HECW1: variants seen among roughly 807,000 people sequenced by gnomAD.
HECW1 encodes the protein HECT, C2 and WW domain containing E3 ubiquitin protein ligase 1.
In HECW1, 61 loss-of-function variants were observed where a neutral mutation model predicts 182.3. The ratio of observed to expected loss-of-function variants is 0.33; its 90% confidence interval spans 0.27 to 0.41. The LOEUF (loss-of-function observed/expected upper bound fraction) is 0.41, where lower values mean the gene tolerates loss of function less well. Among genes scored for constraint, HECW1 ranks in the 10% least tolerant of loss-of-function variants. The pLI, the probability that HECW1 is intolerant of heterozygous loss-of-function variation, is 1.00. For synonymous variants in HECW1, 859 were observed against 832.6 expected, an observed-to-expected ratio of 1.03 and a Z score of -0.55; for missense variants, 1,739 against 2,108.9, an observed-to-expected ratio of 0.82 and a Z score of 3.44.
chr7:43,203,917 G>A (rs1245890393), intron 2 of HECW1, among the ~76,000 whole-genome samples: 1 of 152,076 alleles, frequency 6.6e-6, no homozygotes, highest in Non-Finnish European at 1.5e-5. Context: ...GTAATATCTT[G>A]TATTCACTAT....
In HECW1 at chr7:43,504,513, C is replaced by T. The variant is rs539043140; in HGVS notation, c.3632-2624C>T. The stretch of plus-strand genomic sequence containing the variant: ...TGCCCTGAACTCCCCTGGCCCTCTC[C>T]GTTTTGTTTCTACCCTCTGGCAGAG... On this transcript the variant is annotated intron_variant, in intron 21 of 29. Transcript: ENST00000395891. Among the ~76,000 whole-genome samples, 149 of 152,292 alleles carry T rather than the reference C, an allele frequency of 9.8e-4. 1 individual carries two copies. Among genetic ancestry groups the T allele is most frequent in the South Asian group, 4.8e-3 (23 of 4,830 alleles).
chr7:43,176,202 A>G (rs1008035769), intron 2 of HECW1, among the ~76,000 whole-genome samples: 1 of 152,204 alleles, frequency 6.6e-6, no homozygotes, highest in African/African-American at 2.4e-5. Flanking sequence ...TACTGTGTGT[A>G]GAGGACTTTG....
intron 12 of HECW1, among the ~76,000 whole-genome samples, chr7:43,452,757 G>T (rs1003738895): frequency 6.6e-6 from 1 of 152,216 alleles, no homozygotes; most frequent in Non-Finnish European, 1.5e-5. Flanking sequence ...CTCTGAGTTC[G>T]TGTGGGGGTG....
intron 9 of HECW1, among the ~76,000 whole-genome samples, chr7:43,441,307 G>C (rs2076879570): frequency 6.6e-6 from 1 of 152,120 alleles, no homozygotes; most frequent in Non-Finnish European, 1.5e-5. Context: ...CCCTGCAATT[G>C]GTGTTAAGTG....
chr7:43,229,744 T>G (rs1797726287), intron 2 of HECW1, among the ~76,000 whole-genome samples: 1 of 152,206 alleles, frequency 6.6e-6, no homozygotes, highest in Admixed American at 6.5e-5. Context: ...TAACAGTATA[T>G]TTATGTAATT....
intron 2 of HECW1, among the ~76,000 whole-genome samples, chr7:43,174,240 A>G (rs1791988843): frequency 6.6e-6 from 1 of 152,048 alleles, no homozygotes; most frequent in South Asian, 2.1e-4. Flanking sequence ...GTTCCTGACA[A>G]AGCCCCATTT....
chr7:43,336,193 T>C (rs1204268666), intron 5 of HECW1, among the ~76,000 whole-genome samples: 1 of 137,586 alleles, frequency 7.3e-6, no homozygotes, highest in East Asian at 2.2e-4. Flanking sequence ...TCTCTCTCTC[T>C]CTCTCTTTCA....
intron 9 of HECW1, among the ~76,000 whole-genome samples, chr7:43,442,004 G>T (rs2076903890): frequency 6.6e-6 from 1 of 152,170 alleles, no homozygotes; most frequent in Admixed American, 6.5e-5. Context: ...TTTGAATTTT[G>T]ATCTTTTCCT....
intron 7 of HECW1, among the ~76,000 whole-genome samples, chr7:43,397,210 G>A (rs147860708): frequency 6.6e-6 from 1 of 152,254 alleles, no homozygotes; most frequent in East Asian, 1.9e-4. Context: ...GGGAAGAGAA[G>A]CAGCTATTCA....
At chr7:43,273,439 G>T (rs763404352) in intron 3 of HECW1, among the ~76,000 whole-genome samples, 2 of 151,884 alleles carry the variant, frequency 1.3e-5, no homozygotes, top group African/African-American at 4.8e-5. Context: ...TATAAATTTC[G>T]TAAATAATAG....
At chr7:43,407,848 C>A (rs1384931450) in intron 8 of HECW1, 117 bp downstream of exon 8, 5 of 902,702 alleles carry the variant, frequency 5.5e-6, no homozygotes, top group Non-Finnish European at 8.3e-6. Flanking sequence ...CAATCTATGG[C>A]TGTCATGGTC....
At chr7:43,369,585 T>C (rs1817073057) in intron 6 of HECW1, among the ~76,000 whole-genome samples, 1 of 152,206 alleles carries the variant, frequency 6.6e-6, no homozygotes, top group Non-Finnish European at 1.5e-5. Context: ...AATTATTTAT[T>C]TACTACCTAG....
chr7:43,344,265 A>C (rs886457076), intron 5 of HECW1, among the ~76,000 whole-genome samples: 3 of 151,816 alleles, frequency 2.0e-5, no homozygotes, highest in Non-Finnish European at 2.9e-5. Context: ...TAGTTTAATT[A>C]GATCCCATTT....
At chr7:43,467,524 A>T (rs116113442) in intron 15 of HECW1, among the ~76,000 whole-genome samples, 1,549 of 152,228 alleles carry the variant, frequency 0.01, 25 homozygotes, top group African/African-American at 0.035. Context: ...AGGCCACAGG[A>T]ACCAAGAGTA....
chr7:43,406,565 G>T (rs2075616745), intron 7 of HECW1, among the ~76,000 whole-genome samples: 1 of 152,150 alleles, frequency 6.6e-6, no homozygotes. Flanking sequence ...TGTTTCACTT[G>T]TGTATAAATG....
intron 21 of HECW1, among the ~76,000 whole-genome samples, chr7:43,502,502 AT>A (rs1381684746): frequency 7.9e-5 from 12 of 152,122 alleles, no homozygotes; most frequent in Non-Finnish European, 1.0e-4. Context: ...ACCAAAAAAA[AT>A]TTTTTTTAAT....
intron 2 of HECW1, among the ~76,000 whole-genome samples, chr7:43,184,020 A>AT (rs199755723): frequency 0.034 from 5,164 of 149,848 alleles, 104 homozygotes; most frequent in Middle Eastern, 0.065. Flanking sequence ...TATTATTATT[A>AT]TTTTTTTTTT....
intron 3 of HECW1, among the ~76,000 whole-genome samples, chr7:43,308,780 C>T (rs1808123214): frequency 1.3e-5 from 2 of 152,136 alleles, no homozygotes; most frequent in South Asian, 4.1e-4. Context: ...TGCCAACACG[C>T]CCGGCTAATT....
At position 43,463,750 on chromosome 7, in the gene HECW1, C is replaced by T. The variant is rs751092336; in HGVS notation, c.2742C>T (p.Gly914=). Residue 914 remains glycine, a synonymous_variant, in exon 14 of 30, where the codon GGC becomes GGT. Transcript: ENST00000395891. ...QSCEQAPAGG[G]GGGGSDSEAE... is the part of the protein sequence containing the mutation. ...GCGAGCAAGCCCCAGCAGGAGGAGG[C>T]GGAGGTGGAGGGAGTGACTCAGAAG... 2.3e-5 allele frequency: 37 copies of T among 1,613,694 alleles called. No individual in the cohort carries two copies. In the African/African-American group the frequency reaches 3.1e-4, roughly 13 times the overall value.
Sources: gnomAD v4.1 joint callset for allele counts (sites outside exome capture counted in the v4.1 genomes callset) on GRCh38, gnomAD v4.1.1 for gene constraint, MANE v1.5 for transcripts, NCBI Gene and HGNC (gene_info 2026-07-23, HGNC 2026-07-21) for gene names.